RBFOX1: variants seen among roughly 807,000 people sequenced by gnomAD.
The protein encoded by RBFOX1 is RNA binding fox-1 homolog 1.
A neutral mutation model predicts 57.7 loss-of-function variants in RBFOX1; 8 were observed. That is an observed-to-expected ratio of 0.14 (90% CI 0.08 to 0.25). RBFOX1 has a LOEUF of 0.25. Among genes scored for constraint, RBFOX1 ranks in the 10% least tolerant of loss-of-function variants. The pLI is 1.00. For synonymous variants in RBFOX1, 326 were observed against 222.4 expected (o/e 1.47, Z -4.15); for missense variants, 611 against 548.5 (o/e 1.11, Z -1.14).
intron 4 of RBFOX1, among the ~76,000 whole-genome samples, chr16:5,880,989 C>T (rs1158698758): frequency 6.6e-6 from 1 of 152,162 alleles, no homozygotes; most frequent in Non-Finnish European, 1.5e-5. Flanking sequence ...ACTAAAATAT[C>T]TGTGATTTCT....
intron 3 of RBFOX1, among the ~76,000 whole-genome samples, chr16:6,762,556 G>C (rs2076759851): frequency 6.6e-6 from 1 of 152,110 alleles, no homozygotes; most frequent in Non-Finnish European, 1.5e-5. Context: ...TTCAAAGGTT[G>C]AAACTCTAGA....
At chr16:6,267,866 A>C (rs2152662606) in intron 1 of RBFOX1, among the ~76,000 whole-genome samples, 1 of 152,306 alleles carries the variant, frequency 6.6e-6, no homozygotes, top group South Asian at 2.1e-4. Context: ...AACAGTGAGC[A>C]TGAAAGCTTT....
intron 3 of RBFOX1, among the ~76,000 whole-genome samples, chr16:6,805,022 C>G (rs762791725): frequency 8.5e-5 from 13 of 152,138 alleles, no homozygotes; most frequent in South Asian, 6.2e-4. Context: ...ACCATTTGAC[C>G]TACCAGTCCC....
chr16:6,834,006 T>C (rs2092905420), intron 3 of RBFOX1, among the ~76,000 whole-genome samples: 3 of 152,102 alleles, frequency 2.0e-5, no homozygotes, highest in Non-Finnish European at 4.4e-5. Flanking sequence ...GTGAGTACAC[T>C]GGGAAGCCAT....
chr16:5,566,754 G>T (rs928967835), intron 2 of RBFOX1, among the ~76,000 whole-genome samples: 1 of 151,840 alleles, frequency 6.6e-6, no homozygotes, highest in Non-Finnish European at 1.5e-5. Flanking sequence ...GAATGCTTTG[G>T]AATGATTTTT....
At chr16:5,734,197 CT>C (rs2052489517) in intron 3 of RBFOX1, among the ~76,000 whole-genome samples, 1 of 152,134 alleles carries the variant, frequency 6.6e-6, no homozygotes, top group Admixed American at 6.5e-5. Flanking sequence ...GACATGGTGG[CT>C]TATGCCTGCA....
At chr16:5,647,567 C>G (rs2049094264) in intron 3 of RBFOX1, among the ~76,000 whole-genome samples, 1 of 152,168 alleles carries the variant, frequency 6.6e-6, no homozygotes, top group Non-Finnish European at 1.5e-5. Context: ...GTGGAAACCC[C>G]ACCTCTTCTC....
At chr16:7,263,264 C>A (rs1219331007) in intron 4 of RBFOX1, among the ~76,000 whole-genome samples, 1 of 152,090 alleles carries the variant, frequency 6.6e-6, no homozygotes, top group Non-Finnish European at 1.5e-5. Flanking sequence ...TCCTTAGTAC[C>A]CAGGAAGCAC....
At chr16:5,869,984 C>T (rs906220759) in intron 4 of RBFOX1, among the ~76,000 whole-genome samples, 1 of 151,854 alleles carries the variant, frequency 6.6e-6, no homozygotes, top group Non-Finnish European at 1.5e-5. Flanking sequence ...AAATACAATA[C>T]AGCAATCAAA....
chr16:7,363,654 C>T (rs1345202620), intron 4 of RBFOX1, among the ~76,000 whole-genome samples: 1 of 152,084 alleles, frequency 6.6e-6, no homozygotes, highest in African/African-American at 2.4e-5. Flanking sequence ...GGACTTAAAG[C>T]CATCAGATCC....
chr16:7,062,519 G>A (rs1439012889), intron 4 of RBFOX1, among the ~76,000 whole-genome samples: 1 of 152,020 alleles, frequency 6.6e-6, no homozygotes, highest in African/African-American at 2.4e-5. Context: ...AGACATTTCT[G>A]CCTATGGTAG....
At chr16:5,624,683 G>A (rs112747302) in intron 3 of RBFOX1, among the ~76,000 whole-genome samples, 2 of 152,248 alleles carry the variant, frequency 1.3e-5, no homozygotes, top group Non-Finnish European at 2.9e-5. Flanking sequence ...GGCGCTCTCA[G>A]CTACTGCAAT....
chr16:7,175,470 G>T (rs754234179), intron 4 of RBFOX1, among the ~76,000 whole-genome samples: 4 of 152,158 alleles, frequency 2.6e-5, no homozygotes, highest in African/African-American at 4.8e-5. Context: ...ATTCAGAAAT[G>T]TGTGACAGGG....
At chr16:6,676,216 G>A (rs1603350402) in intron 3 of RBFOX1, among the ~76,000 whole-genome samples, 1 of 151,812 alleles carries the variant, frequency 6.6e-6, no homozygotes, top group East Asian at 1.9e-4. Context: ...TAGGTAGGCT[G>A]GAGAATAGTA....
At chr16:5,866,297 C>G (rs2057342049) in intron 3 of RBFOX1, among the ~76,000 whole-genome samples, 1 of 152,174 alleles carries the variant, frequency 6.6e-6, no homozygotes, top group Admixed American at 6.5e-5. Flanking sequence ...GGGCACTAAT[C>G]CCATCATGAG....
chr16:6,909,465 C>T (rs898901093), intron 3 of RBFOX1, among the ~76,000 whole-genome samples: 4 of 152,332 alleles, frequency 2.6e-5, no homozygotes, highest in Non-Finnish European at 5.9e-5. Context: ...TCAGAGATTA[C>T]GATGCAGGCA....
intron 3 of RBFOX1, among the ~76,000 whole-genome samples, chr16:5,681,859 G>T (rs137874625): frequency 6.6e-6 from 1 of 152,148 alleles, no homozygotes; most frequent in Admixed American, 6.5e-5. Context: ...GAGAGGGACT[G>T]ACCTGGCTGA....
chr16:6,266,597 C>G (rs907462887), intron 1 of RBFOX1, among the ~76,000 whole-genome samples: 6 of 151,856 alleles, frequency 4.0e-5, no homozygotes, highest in African/African-American at 1.5e-4. Context: ...GCCTGTAATC[C>G]CAGCTACTCA....
chr16:6,906,242 C>A (rs553359516), intron 3 of RBFOX1, among the ~76,000 whole-genome samples: 2 of 151,752 alleles, frequency 1.3e-5, no homozygotes, highest in African/African-American at 2.4e-5. Flanking sequence ...ATTTATTACC[C>A]CCCCCCAAAA....
Sources: gnomAD v4.1 joint callset for allele counts (sites outside exome capture counted in the v4.1 genomes callset) on GRCh38, gnomAD v4.1.1 for gene constraint, MANE v1.5 for transcripts, NCBI Gene and HGNC (gene_info 2026-07-23, HGNC 2026-07-21) for gene names.